SENP5: variants seen among roughly 807,000 people sequenced by gnomAD.
SENP5 encodes the protein sentrin-specific protease 5.
SENP5 carries 21 observed loss-of-function variants against 74.2 expected under a neutral mutation model. The observed-to-expected ratio is 0.28, with a 90% CI of 0.20 to 0.41. SENP5 has a LOEUF of 0.41. SENP5 is among the 10% of genes least tolerant of loss of function. The pLI is 1.00. For synonymous variants in SENP5, 311 were observed against 312.7 expected (o/e 0.99, Z 0.06); for missense variants, 717 against 889.1 (o/e 0.81, Z 2.46).
intron 1 of SENP5, among the ~76,000 whole-genome samples, chr3:196,881,676 T>C (rs540690004): frequency 6.2e-4 from 95 of 152,100 alleles, no homozygotes; most frequent in African/African-American, 2.2e-3. Flanking sequence ...ATGATACATG[T>C]TGCAAATATT....
intron 1 of SENP5, among the ~76,000 whole-genome samples, chr3:196,871,855 C>CAA (rs10714946): frequency 9.4e-5 from 10 of 105,854 alleles, no homozygotes; most frequent in East Asian, 2.9e-4. Context: ...ACTCCATCTC[C>CAA]AAAAAAAAAA....
At chr3:196,922,181 A>G (rs1474777018) in intron 6 of SENP5, among the ~76,000 whole-genome samples, 1 of 152,234 alleles carries the variant, frequency 6.6e-6, no homozygotes, top group African/African-American at 2.4e-5. Flanking sequence ...ACAGAGTTGT[A>G]TGCATTTTAC....
At chr3:196,894,720 A>G in intron 2 of SENP5, among the ~76,000 whole-genome samples, 1 of 152,010 alleles carries the variant, frequency 6.6e-6, no homozygotes, top group East Asian at 1.9e-4. Flanking sequence ...GCGTAGTTTT[A>G]TCATTTGACA....
intron 6 of SENP5, 52 bp downstream of exon 6, chr3:196,903,662 CA>C: frequency 8.9e-7 from 1 of 1,121,252 alleles, no homozygotes; most frequent in African/African-American, 1.6e-5. Context: ...GATGATAAAC[CA>C]CTTTGTGTGG....
At chr3:196,888,358 G>A (rs762837977) in intron 2 of SENP5, among the ~76,000 whole-genome samples, 7 of 152,032 alleles carry the variant, frequency 4.6e-5, no homozygotes, top group Non-Finnish European at 8.8e-5. Flanking sequence ...CGAGGTGGGC[G>A]GATCACCTGA....
intron 6 of SENP5, chr3:196,904,920 T>A (rs1714843687): frequency 6.6e-6 from 1 of 152,192 alleles, no homozygotes; most frequent in Non-Finnish European, 1.5e-5. Context: ...TCATTCATCA[T>A]TTATTTATTG....
At chr3:196,894,052 G>A (rs1714328837) in intron 2 of SENP5, among the ~76,000 whole-genome samples, 1 of 148,514 alleles carries the variant, frequency 6.7e-6, no homozygotes, top group Non-Finnish European at 1.5e-5. Flanking sequence ...TTAAAAGGTT[G>A]TTTCCACATA....
At chr3:196,879,598 T>C (rs1439718691) in intron 1 of SENP5, among the ~76,000 whole-genome samples, 2 of 152,202 alleles carry the variant, frequency 1.3e-5, no homozygotes, top group African/African-American at 4.8e-5. Context: ...CTGTTATCTT[T>C]AGTATTCTTT....
chr3:196,913,033 C>A (rs1715201134), intron 6 of SENP5: 1 of 152,072 alleles, frequency 6.6e-6, no homozygotes, highest in South Asian at 2.1e-4. Context: ...GATATAATGA[C>A]CAATCTTTAT....
chr3:196,913,149 A>C (rs748459242), intron 6 of SENP5: 16 of 152,186 alleles, frequency 1.1e-4, no homozygotes, highest in Non-Finnish European at 2.4e-4. Flanking sequence ...AAGTGGATAA[A>C]TCTAGTAGAC....
chr3:196,909,726 ACT>A (rs538566911), intron 6 of SENP5, among the ~76,000 whole-genome samples: 10 of 152,016 alleles, frequency 6.6e-5, no homozygotes, highest in Non-Finnish European at 1.5e-4. Flanking sequence ...TCATTTAAAA[ACT>A]CTCAATAAAC....
chr3:196,879,806 C>T (rs1713642943), intron 1 of SENP5, among the ~76,000 whole-genome samples: 1 of 152,088 alleles, frequency 6.6e-6, no homozygotes. Flanking sequence ...GTGGTACTTT[C>T]TGGGAGATTG....
intron 7 of SENP5, 123 bp downstream of exon 7, chr3:196,923,674 A>G (rs1327389296): frequency 4.8e-6 from 3 of 629,198 alleles, no homozygotes; most frequent in African/African-American, 3.8e-5. Context: ...AAAATCCTCC[A>G]AAGTGTTAGC....
chr3:196,929,444 C>T (rs1166242639), intron 8 of SENP5, 189 bp from the exon 9 acceptor site: 7 of 515,450 alleles, frequency 1.4e-5, no homozygotes, highest in Non-Finnish European at 2.0e-5. Flanking sequence ...ATTGGGGTTG[C>T]CACCTGATAG....
chr3:196,930,670 C>T, intron 9 of SENP5, 143 bp from the exon 10 acceptor site: 1 of 613,438 alleles, frequency 1.6e-6, no homozygotes, highest in East Asian at 2.7e-5. Context: ...GAAAAATTGC[C>T]TTACACGTAA....
intron 1 of SENP5, among the ~76,000 whole-genome samples, chr3:196,882,309 A>G (rs1025363449): frequency 6.6e-5 from 10 of 152,084 alleles, no homozygotes; most frequent in African/African-American, 2.2e-4. Context: ...TTGCTGTGCA[A>G]CCATCACCAC....
At chr3:196,911,173 A>G (rs1485416266) in intron 6 of SENP5, among the ~76,000 whole-genome samples, 1 of 152,208 alleles carries the variant, frequency 6.6e-6, no homozygotes, top group Non-Finnish European at 1.5e-5. Context: ...AGACTTCATG[A>G]CAAAAACACC....
chr3:196,924,235 A>G (rs1715728963), intron 7 of SENP5, among the ~76,000 whole-genome samples: 2 of 152,230 alleles, frequency 1.3e-5, no homozygotes, highest in Admixed American at 6.5e-5. Flanking sequence ...AAGAAAAGAC[A>G]TAAGGAACAA....
intron 5 of SENP5, among the ~76,000 whole-genome samples, chr3:196,900,841 G>C (rs1350524883): frequency 6.6e-6 from 1 of 151,778 alleles, no homozygotes; most frequent in Non-Finnish European, 1.5e-5. Flanking sequence ...CTCTGCCTTG[G>C]TCTCCCAAAG....
Sources: gnomAD v4.1 joint callset for allele counts (sites outside exome capture counted in the v4.1 genomes callset) on GRCh38, gnomAD v4.1.1 for gene constraint, MANE v1.5 for transcripts, NCBI Gene and HGNC (gene_info 2026-07-23, HGNC 2026-07-21) for gene names.